Variants in CHCHD10 observed in about 807,000 individuals in gnomAD.
CHCHD10 encodes the protein coiled-coil-helix-coiled-coil-helix domain-containing protein 10, mitochondrial.
CHCHD10 carries 10 observed loss-of-function variants against 14.8 expected under a neutral mutation model. The observed-to-expected ratio is 0.67, with a 90% CI of 0.42 to 1.14. The LOEUF (loss-of-function observed/expected upper bound fraction) is 1.14. CHCHD10 is among the 50% of genes most tolerant of loss of function. The pLI, the probability that CHCHD10 is intolerant of heterozygous loss-of-function variation, is 0.00. For synonymous variants in CHCHD10, 90 were observed against 85.2 expected (o/e 1.06, Z -0.31); for missense variants, 203 against 196.9 (o/e 1.03, Z -0.19).
chr22:23,767,570 T>C lies in CHCHD10; in HGVS notation c.65A>G (p.His22Arg). The change falls in exon 2 of 4, where the codon CAC (histidine) becomes CGC (arginine). Residue 22 changes from histidine to arginine, a missense_variant. By Grantham distance (29) the His-to-Arg change is conservative. Transcript: ENST00000484558. ...CGAGGGCGGTGGGTGCGCGGGCGGG[T>C]GGGCAGAGGGCGCGGCTGGGCGGCT... is the stretch of plus-strand genomic sequence containing the variant. ...PASRPAAPSA[H>R]PPAHPPPSAA... is the part of the protein sequence containing the mutation. 1 of 775,214 alleles carries C rather than the reference T, an allele frequency of 1.3e-6. No homozygotes were observed. Among genetic ancestry groups the C allele is most frequent in the Non-Finnish European group, 1.7e-6 (1 of 573,976 alleles). The allele number at this position is 775,214 out of a possible 1,614,324, so 48.0% of individuals were successfully genotyped here.
chr22:23,767,957 A>G lies in CHCHD10; in HGVS notation c.-83T>C, dbSNP rs146705072. On this transcript the variant is annotated 5_prime_UTR_variant, in exon 1 of 4. Transcript: ENST00000484558. ...GGACAAATGCCGCAGCGCTTGTCAC[A>G]GCCGGCGCAAAAAAGGCGGGGCCCC... 2.4e-5 allele frequency: 30 copies of G among 1,228,548 alleles called. No homozygotes were observed. In the African/African-American group the frequency reaches 4.5e-4, roughly 18 times the overall value. 76.1% of individuals were successfully genotyped at this position (1,228,548 alleles called of 1,614,324 possible). A position where few individuals can be genotyped will look rare whatever the true frequency, so the allele number is the denominator to read the frequency against.
Position 23,767,571 on chromosome 22 carries a change from G to A in CHCHD10, c.64C>T (p.His22Tyr). The A allele has an allele frequency of 7.5e-7, 1 of 1,336,152 alleles. No homozygotes were observed. Among genetic ancestry groups the A allele is most frequent in the Non-Finnish European group, 9.6e-7 (1 of 1,037,404 alleles). The allele number at this position is 1,336,152 out of a possible 1,614,324, so 82.8% of individuals were successfully genotyped here. ...PASRPAAPSA[H>Y]PPAHPPPSAA... ...GAGGGCGGTGGGTGCGCGGGCGGGT[G>A]GGCAGAGGGCGCGGCTGGGCGGCTG... The change falls in exon 2 of 4, where the codon CAC (histidine) becomes TAC (tyrosine). Residue 22 changes from histidine (H) to tyrosine (Y), a missense_variant. By Grantham distance (83) the His-to-Tyr change is moderately conservative. Coordinates refer to ENST00000484558, the MANE Select transcript of CHCHD10 (RefSeq NM_213720.3).
rs901115236 is a variant in CHCHD10, at chr22:23,767,531, G to A, written c.104C>T (p.Ala35Val). 2.7e-6 allele frequency: 4 copies of A among 1,455,448 alleles called. No individual in the cohort carries two copies. The African/African-American group carries it at 4.5e-5, about 16-fold the overall frequency. The allele number at this position is 1,455,448 out of a possible 1,614,324, so 90.2% of individuals were successfully genotyped here. A position where few individuals can be genotyped will look rare whatever the true frequency, so the allele number is the denominator to read the frequency against. ...CCCCGGCTGGCCCGAAGGGGCGGGG[G>A]CTGGGGCGGCTGCCGAGGGCGGTGG... is the stretch of plus-strand genomic sequence containing the variant. ...AHPPPSAAAP[A>V]PAPSGQPGLM... Residue 35 changes from alanine (A) to valine (V), a missense_variant, in exon 2 of 4, where the codon GCC becomes GTC. Physicochemically the swap from Ala to Val is moderately conservative, Grantham distance 64 (BLOSUM62 0). Transcript: ENST00000484558.
chr22:23,767,788 A>C lies in CHCHD10; in HGVS notation c.41+46T>G, dbSNP rs62241575. 0.062 allele frequency: 90,762 copies of C among 1,473,658 alleles called. 3,509 individuals are homozygous for C. The highest frequency in any genetic ancestry group is 0.07 in the Non-Finnish European group (75,510 of 1,086,020). The allele number at this position is 1,473,658 out of a possible 1,614,324, so 91.3% of individuals were successfully genotyped here. On this transcript the variant is annotated intron_variant, in intron 1 of 3. Coordinates refer to ENST00000484558, the MANE Select transcript of CHCHD10 (RefSeq NM_213720.3). ...TGCGGACGCCCTTAGGGGAGTGCCC[A>C]CACTTCCCTAACCCCCTCCCCACAG...
At position 23,767,582 on chromosome 22, in the gene CHCHD10, G is replaced by A. The variant is rs1244878740; in HGVS notation, c.53C>T (p.Ala18Val). The A allele has an allele frequency of 4.0e-6, 5 of 1,255,314 alleles. No homozygotes were observed. The highest frequency in any genetic ancestry group is 1.8e-5 in the South Asian group (1 of 54,606). 77.8% of individuals were successfully genotyped at this position (1,255,314 alleles called of 1,614,324 possible). A position where few individuals can be genotyped will look rare whatever the true frequency, so the allele number is the denominator to read the frequency against. ...GTGCGCGGGCGGGTGGGCAGAGGGC[G>A]CGGCTGGGCGGCTGCGGGGGTGGGA... ...AASRPASRPA[A>V]PSAHPPAHPP... The change falls in exon 2 of 4, where the codon GCG becomes GTG. Residue 18 changes from alanine to valine, a missense_variant. Ala to Val is a moderately conservative substitution (Grantham distance 64, BLOSUM62 0). Coordinates refer to ENST00000484558, the MANE Select transcript of CHCHD10 (RefSeq NM_213720.3).
In CHCHD10 at chr22:23,767,904, A is replaced by G; in HGVS notation, c.-30T>C. On this transcript the variant is annotated 5_prime_UTR_variant, in exon 1 of 4. Coordinates refer to ENST00000484558, the MANE Select transcript of CHCHD10 (RefSeq NM_213720.3). ...GCGGCGGTGGGACCCGGGCGACCTT[A>G]GAGACGGCGGCAGCGGTGCTGTCGC... The G allele has an allele frequency of 6.7e-7, 1 of 1,481,768 alleles. No individual in the cohort carries two copies. The highest frequency in any genetic ancestry group is 9.0e-7 in the Non-Finnish European group (1 of 1,114,032). The allele number at this position is 1,481,768 out of a possible 1,614,324, so 91.8% of individuals were successfully genotyped here.
Position 23,765,857 on chromosome 22 carries a change from T to C in CHCHD10, c.*150A>G. 2.0e-5 allele frequency: 30 copies of C among 1,535,064 alleles called. No individual in the cohort carries two copies. The South Asian group carries it at 3.5e-4, about 18-fold the overall frequency. On this transcript the variant is annotated 3_prime_UTR_variant, in exon 4 of 4. Transcript: ENST00000484558. ...GCTGTGGTCTAAAATAAACTTTTAA[T>C]TGCACATTTGTGTCTTGGGTTATCT...
intron 1 of CHCHD10, 87 bp from the exon 2 acceptor site, chr22:23,767,680 G>T: frequency 1.2e-6 from 1 of 841,834 alleles, no homozygotes; most frequent in Non-Finnish European, 1.8e-6. Flanking sequence ...CCGGAGAGAT[G>T]GACGACCCAC....
rs776159405 is a variant in CHCHD10, at chr22:23,767,823, C to T, written c.41+11G>A. ...AACCCCCTCCCCACAGGGCCCTTGT[C>T]CCCCTCACACCTGGCTGGCCGGGAG... On this transcript the variant is annotated intron_variant, in intron 1 of 3. Transcript: ENST00000484558. 8 of 1,539,550 alleles carry T rather than the reference C, an allele frequency of 5.2e-6. No individual in the cohort carries two copies. The highest frequency in any genetic ancestry group is 1.7e-4 in the Middle Eastern group (1 of 5,806).
intron 2 of CHCHD10, among the ~76,000 whole-genome samples, chr22:23,767,172 C>A (rs1275074876): frequency 1.3e-5 from 2 of 152,208 alleles, no homozygotes; most frequent in East Asian, 3.9e-4. Flanking sequence ...AGCTTAGGGA[C>A]CCTGGCCTCA....
At chr22:23,767,674 A>G in intron 1 of CHCHD10, 81 bp from the exon 2 acceptor site, 2 of 828,132 alleles carry the variant, frequency 2.4e-6, no homozygotes, top group Admixed American at 3.4e-5. Context: ...CGACCCCCGG[A>G]GAGATGGACG....
intron 2 of CHCHD10, among the ~76,000 whole-genome samples, chr22:23,766,834 C>G (rs1926868958): frequency 6.6e-6 from 1 of 152,204 alleles, no homozygotes; most frequent in Non-Finnish European, 1.5e-5. Context: ...TCTGCCTGTA[C>G]TCTCAGAGTA....
intron 2 of CHCHD10, among the ~76,000 whole-genome samples, chr22:23,766,778 G>A (rs1357701331): frequency 6.6e-6 from 1 of 152,160 alleles, no homozygotes; most frequent in Non-Finnish European, 1.5e-5. Context: ...GGGCACTTTG[G>A]GCGGGTGCAG....
rs199768153 is a variant in CHCHD10, at chr22:23,766,116, C to T, written c.409+12G>A. 8 of 1,613,402 alleles carry T rather than the reference C, an allele frequency of 5.0e-6. No homozygotes were observed. The highest frequency in any genetic ancestry group is 6.8e-6 in the Non-Finnish European group (8 of 1,179,778). On this transcript the variant is annotated intron_variant, in intron 3 of 3. Transcript: ENST00000484558. ...TCCCCCTCCCCGCCTGAGTCGGGGT[C>T]CACTCACTCACCATGGTAGTACTTG...
chr22:23,766,251 GC>G lies in CHCHD10; in HGVS notation c.285del (p.Gln95HisfsTer35). ...VQQAPTPAAPQPLQMGPCAYE... is the reference protein window; with the variant it reads ...VQQAPTPAAPXPLQMGPCAYE... ...TAGGCGCAGGGCCCCATCTGCAGGG[GC>G]TGGGGGGCAGCGGGGGTGGGGGCCT... is the stretch of plus-strand genomic sequence containing the variant. On this transcript the variant is annotated frameshift_variant, in exon 3 of 4. Transcript: ENST00000484558. LOFTEE classifies it high-confidence loss of function. The G allele has an allele frequency of 1.3e-6, 2 of 1,552,398 alleles. No homozygotes were observed. Among genetic ancestry groups the G allele is most frequent in the Non-Finnish European group, 1.7e-6 (2 of 1,148,820 alleles).
intron 2 of CHCHD10, among the ~76,000 whole-genome samples, chr22:23,767,089 C>T (rs1344357131): frequency 2.0e-5 from 3 of 152,176 alleles, no homozygotes; most frequent in Non-Finnish European, 4.4e-5. Flanking sequence ...GTGAGGTGAC[C>T]TTGGGCGAGT....
Position 23,767,439 on chromosome 22 carries a change from C to T in CHCHD10, c.196G>A (p.Gly66Ser), listed in dbSNP as rs374211312. ...AVGSAVGHVM[G>S]SALTGAFSGG... is the part of the protein sequence containing the mutation. ...CTGAAGGCTCCGGTCAGGGCGCTGC[C>T]CATGACGTGTCCCACAGCCGAGCCC... is the stretch of plus-strand genomic sequence containing the variant. The change falls in exon 2 of 4, where the codon GGC (glycine) becomes AGC (serine). Residue 66 changes from glycine to serine, a missense_variant. Coordinates refer to ENST00000484558, the MANE Select transcript of CHCHD10 (RefSeq NM_213720.3). The T allele has an allele frequency of 1.1e-4, 175 of 1,604,970 alleles. No individual in the cohort carries two copies. Among genetic ancestry groups the T allele is most frequent in the Non-Finnish European group, 1.4e-4 (166 of 1,177,574 alleles).
In CHCHD10 at chr22:23,767,965, C is replaced by T; in HGVS notation, c.-91G>A. The T allele has an allele frequency of 8.5e-7, 1 of 1,181,698 alleles. No homozygotes were observed. The highest frequency in any genetic ancestry group is 1.1e-6 in the Non-Finnish European group (1 of 888,928). The allele number at this position is 1,181,698 out of a possible 1,614,324, so 73.2% of individuals were successfully genotyped here. Reference sequence around the variant, plus strand: ...GCCGCAGCGCTTGTCACAGCCGGCGCAAAAAAGGCGGGGCCCCGGGCGGGG... The same window carrying T: ...GCCGCAGCGCTTGTCACAGCCGGCGTAAAAAAGGCGGGGCCCCGGGCGGGG... On this transcript the variant is annotated 5_prime_UTR_variant, in exon 1 of 4. Coordinates refer to ENST00000484558, the MANE Select transcript of CHCHD10 (RefSeq NM_213720.3).
intron 2 of CHCHD10, 124 bp downstream of exon 2, chr22:23,767,250 C>G: frequency 1.2e-6 from 1 of 807,276 alleles, no homozygotes; most frequent in Non-Finnish European, 2.0e-6. Flanking sequence ...GGACCCTTCC[C>G]GGGCAGAGTC....
Sources: gnomAD v4.1 joint callset for allele counts (sites outside exome capture counted in the v4.1 genomes callset) on GRCh38, gnomAD v4.1.1 for gene constraint, MANE v1.5 for transcripts, NCBI Gene and HGNC (gene_info 2026-07-23, HGNC 2026-07-21) for gene names.